The following GARNL3 variants were observed in gnomAD, a reference collection of about 807,000 sequenced individuals.
GARNL3 encodes the protein GTPase-activating Rap/Ran-GAP domain-like protein 3.
GARNL3 carries 63 observed loss-of-function variants against 125.0 expected under a neutral mutation model. The ratio of observed to expected loss-of-function variants is 0.50; its 90% CI spans 0.41 to 0.62. GARNL3 has a LOEUF of 0.62. Among genes scored for constraint, GARNL3 ranks in the 20% least tolerant of loss-of-function variants. The pLI is 0.00. For synonymous variants in GARNL3, 439 were observed against 457.5 expected (o/e 0.96, Z 0.52); for missense variants, 994 against 1,244.0 (o/e 0.80, Z 3.02).
intron 2 of GARNL3, among the ~76,000 whole-genome samples, chr9:127,247,932 C>T (rs989596214): frequency 4.6e-5 from 7 of 152,328 alleles, no homozygotes; most frequent in Non-Finnish European, 8.8e-5. Flanking sequence ...CTGTCCCCTA[C>T]TATCCTTCCC....
intron 14 of GARNL3, 77 bp from the exon 15 acceptor site, chr9:127,344,158 T>C: frequency 1.1e-6 from 1 of 945,022 alleles, no homozygotes; most frequent in Non-Finnish European, 1.7e-6. Flanking sequence ...GGATAAATAG[T>C]TTTGTGCACT....
intron 26 of GARNL3, 127 bp from the exon 27 acceptor site, chr9:127,390,514 C>T: frequency 1.2e-6 from 1 of 826,510 alleles, no homozygotes; most frequent in Non-Finnish European, 1.9e-6. Flanking sequence ...AATATATATT[C>T]TATCATCTTT....
chr9:127,313,296 G>A lies in GARNL3; in HGVS notation c.320-145G>A, dbSNP rs1251450162. The A allele has an allele frequency of 5.8e-6, 4 of 694,648 alleles. No individual in the cohort carries two copies. In the African/African-American group the frequency reaches 7.0e-5, roughly 12 times the overall value. The allele number at this position is 694,648 out of a possible 1,614,324, so 43.0% of individuals were successfully genotyped here. On this transcript the variant is annotated intron_variant, in intron 3 of 27. Coordinates refer to ENST00000373387, the MANE Select transcript of GARNL3 (RefSeq NM_032293.5). ...CAGAGGAATACATGATCCCCCGAGA[G>A]AGATCAGGGTCCATCCCAAGCTGGC...
At chr9:127,245,370 G>T (rs142893419) in intron 2 of GARNL3, 1,806 of 152,646 alleles carry the variant, frequency 0.012, 29 homozygotes, top group South Asian at 0.042. Context: ...AAGCTGCCAC[G>T]CGCACGGGGG....
intron 17 of GARNL3, among the ~76,000 whole-genome samples, chr9:127,350,416 A>G (rs1830363001): frequency 6.6e-6 from 1 of 152,192 alleles, no homozygotes; most frequent in African/African-American, 2.4e-5. Flanking sequence ...AGTGGTTGGC[A>G]CATAGTAGTA....
chr9:127,362,313 AG>A (rs1218179989), intron 21 of GARNL3: 2 of 151,078 alleles, frequency 1.3e-5, no homozygotes, highest in Non-Finnish European at 2.9e-5. Context: ...TCCTGACTTC[AG>A]GCCCACCTCG....
Position 127,266,540 on chromosome 9 carries a change from GA to G in GARNL3, c.144+1520del, listed in dbSNP as rs1340709176. 2.6e-5 allele frequency among the ~76,000 whole-genome samples: 4 copies of G among 152,176 alleles called. No homozygotes were observed. Among genetic ancestry groups the G allele is most frequent in the Non-Finnish European group, 4.4e-5 (3 of 68,034 alleles). On this transcript the variant is annotated intron_variant, in intron 1 of 27. Coordinates refer to ENST00000373387, the MANE Select transcript of GARNL3 (RefSeq NM_032293.5). The surrounding 1 kb of genome is among the most constrained non-coding windows in gnomAD (Gnocchi z 4.0). The stretch of plus-strand genomic sequence containing the variant: ...ACCTCAGTAATGCTGAAGAACATGT[GA>G]TCTGAAGTCATTCTTGTTTCATCAT...
chr9:127,262,924 A>G (rs1016580295), upstream of GARNL3, among the ~76,000 whole-genome samples: 78 of 152,348 alleles, frequency 5.1e-4, no homozygotes, highest in African/African-American at 1.8e-3. Context: ...AGCCTGGGAA[A>G]GGAAGAGGGA....
rs112641202 is a variant in GARNL3 at position 127,280,149 on chromosome 9, G to A, written c.145-11019G>A. Reference sequence around the variant, plus strand: ...AGCCTGAGAAAATGCCAGCTGTCTAGATCAAAAAACAGGATGCAGATTGTG... The same window carrying A: ...AGCCTGAGAAAATGCCAGCTGTCTAAATCAAAAAACAGGATGCAGATTGTG... On this transcript the variant is annotated intron_variant, in intron 1 of 27. Coordinates refer to ENST00000373387, the MANE Select transcript of GARNL3 (RefSeq NM_032293.5). The surrounding 1 kb of genome is among the most constrained non-coding windows in gnomAD (Gnocchi z 4.5). Among the ~76,000 whole-genome samples the A allele has an allele frequency of 2.2e-3, 337 of 152,310 alleles. No individual in the cohort carries two copies. The highest frequency in any genetic ancestry group is 0.017 in the Middle Eastern group (5 of 294).
rs749118701 is a variant in GARNL3, at chr9:127,342,248, A to AAAG, written c.1165_1166insAAG (p.Thr389delinsLysAla). On this transcript the variant is annotated protein_altering_variant, in exon 14 of 28. Coordinates refer to ENST00000373387, the MANE Select transcript of GARNL3 (RefSeq NM_032293.5). ...TAATGGTGAAAAAGCCACTTTGGAAACCCCAACATTTGCCCAGAAACGTCG... is the reference window on the plus strand; with the variant it reads ...TAATGGTGAAAAAGCCACTTTGGAAAAAGCCCCAACATTTGCCCAGAAACGTCG... The AAAG allele has an allele frequency of 6.2e-7, 1 of 1,613,742 alleles. No homozygotes were observed. The highest frequency in any genetic ancestry group is 8.5e-7 in the Non-Finnish European group (1 of 1,179,670).
intron 1 of GARNL3, among the ~76,000 whole-genome samples, chr9:127,231,653 A>C (rs1474529808): frequency 6.6e-6 from 1 of 152,204 alleles, no homozygotes; most frequent in Non-Finnish European, 1.5e-5. Context: ...ATTGCTTCTC[A>C]AAGTGTGGTC....
intron 17 of GARNL3, among the ~76,000 whole-genome samples, chr9:127,350,486 A>G (rs1830366016): frequency 6.6e-6 from 1 of 152,146 alleles, no homozygotes; most frequent in African/African-American, 2.4e-5. Context: ...AAGAGGTAAT[A>G]AAATCCTTCC....
intron 2 of GARNL3, among the ~76,000 whole-genome samples, chr9:127,295,800 T>A (rs2064571453): frequency 6.6e-6 from 1 of 152,198 alleles, no homozygotes; most frequent in Non-Finnish European, 1.5e-5. Flanking sequence ...GGACCAGTTT[T>A]GTGGAAGACA....
intron 16 of GARNL3, among the ~76,000 whole-genome samples, chr9:127,347,098 A>G (rs931095612): frequency 1.3e-5 from 2 of 152,098 alleles, no homozygotes; most frequent in African/African-American, 4.8e-5. Flanking sequence ...CACCCGTGTA[A>G]AGCAATGGAC....
chr9:127,233,674 T>C (rs1186662695), intron 1 of GARNL3, among the ~76,000 whole-genome samples: 1 of 152,224 alleles, frequency 6.6e-6, no homozygotes, highest in East Asian at 1.9e-4. Flanking sequence ...GAAAACATAT[T>C]TTCTACTTTC....
chr9:127,306,560 T>C (rs2064960400), intron 2 of GARNL3, among the ~76,000 whole-genome samples: 1 of 152,172 alleles, frequency 6.6e-6, no homozygotes, highest in Non-Finnish European at 1.5e-5. Flanking sequence ...ACCCCGTCTC[T>C]ACTAAAAATA....
At chr9:127,234,517 G>C (rs2063076403) in intron 1 of GARNL3, among the ~76,000 whole-genome samples, 1 of 152,240 alleles carries the variant, frequency 6.6e-6, no homozygotes, top group Admixed American at 6.5e-5. Flanking sequence ...CCCACATCTA[G>C]TTGTCTCTAG....
At position 127,232,599 on chromosome 9, in the gene GARNL3, G is replaced by A. The variant is rs75070265; in HGVS notation, c.-29+8261G>A. On this transcript the variant is annotated intron_variant, in intron 1 of 10. Transcript: ENST00000439286. Reference sequence around the variant, plus strand: ...ACTAGGATTACAGGCATGAGGCACCGTGCCCAGCCTGCATTAGCATCTTTC... The same window carrying A: ...ACTAGGATTACAGGCATGAGGCACCATGCCCAGCCTGCATTAGCATCTTTC... 5.7e-3 allele frequency among the ~76,000 whole-genome samples: 869 copies of A among 152,262 alleles called. 23 individuals carry two copies. In the East Asian group the frequency reaches 0.087, roughly 15 times the overall value.
chr9:127,384,820 G>A lies in GARNL3; in HGVS notation c.2270-207G>A, dbSNP rs540202569. ...TGACAGTGCACACCTCCTGGGAGGC[G>A]CAGTGTGGCAACCGAGGGGAGGCTG... On this transcript the variant is annotated intron_variant, in intron 23 of 27. Transcript: ENST00000373387. This position sits in a 1 kb window ranked among gnomAD's most constrained non-coding sequence, Gnocchi z 4.0. Among the ~76,000 whole-genome samples, 10 of 152,200 alleles carry A rather than the reference G, an allele frequency of 6.6e-5. No homozygotes were observed. The highest frequency in any genetic ancestry group is 3.3e-4 in the Admixed American group (5 of 15,274).
Sources: gnomAD v4.1 joint callset for allele counts (sites outside exome capture counted in the v4.1 genomes callset) on GRCh38, gnomAD v4.1.1 for gene constraint, Gnocchi (gnomAD v3.1) non-coding constraint, MANE v1.5 for transcripts, NCBI Gene and HGNC (gene_info 2026-07-23, HGNC 2026-07-21) for gene names.